SGCD: variants seen among roughly 807,000 people sequenced by gnomAD.
SGCD encodes delta-sarcoglycan.
Under a neutral mutation model 36.6 loss-of-function variants are expected in SGCD, and 18 were observed. That is an observed-to-expected ratio of 0.49 (90% CI 0.34 to 0.73). The LOEUF (loss-of-function observed/expected upper bound fraction) is 0.73. Ranked by LOEUF, SGCD falls within the 30% of genes least tolerant of loss-of-function variation. The probability of loss-of-function intolerance (pLI) is 0.01; values close to 1 mark genes in which losing one functional copy is unlikely to be tolerated. For missense variants in SGCD, 387 were observed against 346.7 expected (o/e 1.12, Z -0.92); for synonymous variants, 133 against 130.6 (o/e 1.02, Z -0.12).
chr5:155,941,106 G>A (rs563703232), intron 1 of SGCD, among the ~76,000 whole-genome samples: 19 of 152,048 alleles, frequency 1.2e-4, no homozygotes, highest in Non-Finnish European at 2.2e-4. Context: ...AGGCAGAAGG[G>A]CAAAAGAGTA....
chr5:156,194,757 G>A (rs1443099127), intron 3 of SGCD, among the ~76,000 whole-genome samples: 3 of 152,054 alleles, frequency 2.0e-5, no homozygotes, highest in Non-Finnish European at 2.9e-5. Context: ...TGAAGTTCCT[G>A]TAGAGTTCTG....
chr5:156,185,872 G>T (rs879575551), intron 3 of SGCD, among the ~76,000 whole-genome samples: 29,731 of 47,126 alleles, frequency 0.63, 7,406 homozygotes, highest in East Asian at 0.77. Flanking sequence ...GAGAGAGAGA[G>T]AGAGAGAGAG....
chr5:156,522,767 C>A (rs1480288477), intron 4 of SGCD, among the ~76,000 whole-genome samples: 1 of 151,666 alleles, frequency 6.6e-6, no homozygotes, highest in Non-Finnish European at 1.5e-5. Context: ...CATCCCCACC[C>A]CCCGACACAC....
chr5:156,433,003 C>A (rs1753090860), intron 3 of SGCD, among the ~76,000 whole-genome samples: 1 of 152,198 alleles, frequency 6.6e-6, no homozygotes, highest in African/African-American at 2.4e-5. Context: ...CTCACAGATT[C>A]TGTTCAGGAG....
At chr5:156,717,554 G>A (rs966638141) in intron 7 of SGCD, among the ~76,000 whole-genome samples, 3 of 152,198 alleles carry the variant, frequency 2.0e-5, no homozygotes, top group African/African-American at 7.2e-5. Flanking sequence ...TGGAGGAACT[G>A]CCTCTTGCAG....
At chr5:155,881,632 C>T (rs1755888252) in intron 1 of SGCD, among the ~76,000 whole-genome samples, 1 of 152,154 alleles carries the variant, frequency 6.6e-6, no homozygotes. Context: ...TGAAGTTTGC[C>T]TCCTTGATGG....
At chr5:156,687,702 C>G (rs1753955781) in intron 7 of SGCD, among the ~76,000 whole-genome samples, 1 of 152,284 alleles carries the variant, frequency 6.6e-6, no homozygotes, top group East Asian at 1.9e-4. Flanking sequence ...TCATAAATTG[C>G]TATTTGCTGA....
intron 6 of SGCD, among the ~76,000 whole-genome samples, 174 bp downstream of exon 6, chr5:156,595,225 G>C (rs1476556417): frequency 6.6e-6 from 1 of 152,070 alleles, no homozygotes; most frequent in Non-Finnish European, 1.5e-5. Context: ...AGTCATGAGG[G>C]TTGAGCCCTC....
rs559544302 is a variant in SGCD, at chr5:156,054,004, G to A, written c.-281-63874G>A. ...TTAATGACTTCCCAAAGGCCCTACC[G>A]CTTAATACTATCATAGTGTGAACCA... On this transcript the variant is annotated intron_variant, in intron 1 of 9. Coordinates refer to the SGCD transcript ENST00000517913. Among the ~76,000 whole-genome samples, 204 of 145,586 alleles carry A rather than the reference G, an allele frequency of 1.4e-3. 31 individuals carry two copies. The highest frequency in any genetic ancestry group is 6.1e-3 in the South Asian group (28 of 4,590).
intron 3 of SGCD, among the ~76,000 whole-genome samples, chr5:156,477,688 A>C (rs1466021101): frequency 7.6e-5 from 11 of 143,860 alleles, no homozygotes; most frequent in East Asian, 3.9e-4. Flanking sequence ...ATTTGAGCAA[A>C]AAAAAAAAAA....
chr5:155,968,222 T>A (rs1216615445), intron 1 of SGCD, among the ~76,000 whole-genome samples: 2 of 152,140 alleles, frequency 1.3e-5, no homozygotes, highest in Non-Finnish European at 2.9e-5. Context: ...TAAATGGTAA[T>A]TGCCTATCAG....
At chr5:156,601,250 CT>C (rs1256521948) in intron 6 of SGCD, among the ~76,000 whole-genome samples, 1 of 152,130 alleles carries the variant, frequency 6.6e-6, no homozygotes, top group African/African-American at 2.4e-5. Context: ...ACGCTTTCTT[CT>C]AGTATTGTAG....
At chr5:156,600,495 A>G (rs963842500) in intron 6 of SGCD, among the ~76,000 whole-genome samples, 1 of 152,194 alleles carries the variant, frequency 6.6e-6, no homozygotes, top group Non-Finnish European at 1.5e-5. Flanking sequence ...ATGACAGAAT[A>G]TTATTCTTTT....
chr5:156,056,655 A>AAAAAAAAAAAAACAAAAAAC (rs1554115108), intron 1 of SGCD, among the ~76,000 whole-genome samples: 1 of 136,506 alleles, frequency 7.3e-6, no homozygotes, highest in African/African-American at 2.9e-5. Flanking sequence ...TAAAAAAAAA[A>AAAAAAAAAAAAACAAAAAAC]AAAAAAAAAA....
intron 4 of SGCD, among the ~76,000 whole-genome samples, chr5:156,582,198 A>G (rs773698093): frequency 2.0e-5 from 3 of 152,190 alleles, no homozygotes; most frequent in Non-Finnish European, 4.4e-5. Flanking sequence ...GTATGTTGTG[A>G]AGATGAAATT....
At chr5:156,193,230 A>G (rs1404945256) in intron 3 of SGCD, among the ~76,000 whole-genome samples, 1 of 152,126 alleles carries the variant, frequency 6.6e-6, no homozygotes, top group Non-Finnish European at 1.5e-5. Context: ...TTCTTTATCT[A>G]AGACTTTCTC....
At chr5:156,740,584 A>AGTAT (rs1298930567) in intron 7 of SGCD, among the ~76,000 whole-genome samples, 2 of 152,156 alleles carry the variant, frequency 1.3e-5, no homozygotes, top group East Asian at 3.9e-4. Context: ...TATTTTATCA[A>AGTAT]GTATGTTAAT....
intron 1 of SGCD, among the ~76,000 whole-genome samples, chr5:156,069,777 C>A (rs912703807): frequency 1.3e-5 from 2 of 151,010 alleles, no homozygotes; most frequent in African/African-American, 5.0e-5. Context: ...AAATGTTCTT[C>A]CATTTGTTTG....
intron 1 of SGCD, among the ~76,000 whole-genome samples, chr5:155,905,469 C>T (rs2113345670): frequency 6.6e-6 from 1 of 152,208 alleles, no homozygotes; most frequent in Non-Finnish European, 1.5e-5. Context: ...AACCTGATGA[C>T]CTGAAAGGGA....
Sources: gnomAD v4.1 joint callset for allele counts (sites outside exome capture counted in the v4.1 genomes callset) on GRCh38, gnomAD v4.1.1 for gene constraint, MANE v1.5 for transcripts, NCBI Gene and HGNC (gene_info 2026-07-23, HGNC 2026-07-21) for gene names.